CNTN4: variants seen among roughly 807,000 people sequenced by gnomAD.
CNTN4 encodes contactin-4.
CNTN4 carries 77 observed loss-of-function variants against 122.5 expected under a neutral mutation model. That is an observed-to-expected ratio of 0.63 (90% confidence interval 0.52 to 0.76). The LOEUF is 0.76. Ranked by LOEUF, CNTN4 falls within the 30% of genes least tolerant of loss-of-function variation. CNTN4 has a pLI of 0.00. For synonymous variants in CNTN4, 512 were observed against 447.0 expected, an observed-to-expected ratio of 1.15 and a Z score of -1.83; for missense variants, 1,256 against 1,259.1, an observed-to-expected ratio of 1.00 and a Z score of 0.04.
In CNTN4 at chr3:2,642,962, AG is replaced by A. The variant is rs1331644217; in HGVS notation, c.55+71405del. Among the ~76,000 whole-genome samples the A allele has an allele frequency of 1.3e-5, 2 of 152,192 alleles. 1 individual carries two copies. Among genetic ancestry groups the A allele is most frequent in the Admixed American group, 1.3e-4 (2 of 15,276 alleles). On this transcript the variant is annotated intron_variant, in intron 4 of 24. Transcript: ENST00000418658. ...TAAACCACAGTGTCCTTTACAGGGC[AG>A]TGGGGATGGTAATAAAATATACCTC...
intron 3 of CNTN4, among the ~76,000 whole-genome samples, chr3:2,500,584 T>G (rs571989282): frequency 6.6e-6 from 1 of 152,280 alleles, no homozygotes; most frequent in African/African-American, 2.4e-5. Context: ...GATTTTTCTC[T>G]CCATCTTGGG....
chr3:2,484,898 C>A (rs570486342), intron 3 of CNTN4, among the ~76,000 whole-genome samples: 1 of 152,144 alleles, frequency 6.6e-6, no homozygotes, highest in African/African-American at 2.4e-5. Flanking sequence ...CCTCTGCTTG[C>A]GGGAAGGTGT....
At position 2,440,892 on chromosome 3, in the gene CNTN4, T is replaced by C. The variant is rs55674521; in HGVS notation, c.-89+101659T>C. Among the ~76,000 whole-genome samples, 502 of 147,678 alleles carry C rather than the reference T, an allele frequency of 3.4e-3. 2 individuals carry two copies. Among genetic ancestry groups the C allele is most frequent in the African/African-American group, 0.011 (441 of 40,512 alleles). Reference sequence around the variant, plus strand: ...ATATATGTATATATGTATATATATATACATGTATATAACAAAAATATATAC... The same window carrying C: ...ATATATGTATATATGTATATATATACACATGTATATAACAAAAATATATAC... On this transcript the variant is annotated intron_variant, in intron 3 of 24. Transcript: ENST00000418658.
intron 3 of CNTN4, among the ~76,000 whole-genome samples, chr3:2,471,637 T>C (rs2075687658): frequency 2.0e-5 from 3 of 152,310 alleles, no homozygotes; most frequent in Non-Finnish European, 4.4e-5. Context: ...CTTTGTTGAA[T>C]TGGAGGCCAT....
intron 4 of CNTN4, among the ~76,000 whole-genome samples, chr3:2,679,384 A>G (rs1419248330): frequency 6.6e-6 from 1 of 152,184 alleles, no homozygotes; most frequent in African/African-American, 2.4e-5. Flanking sequence ...GACTCAGCCC[A>G]TCAACCAGAC....
chr3:2,281,059 T>G (rs1298727529), intron 2 of CNTN4, among the ~76,000 whole-genome samples: 2 of 152,210 alleles, frequency 1.3e-5, no homozygotes, highest in Non-Finnish European at 2.9e-5. Flanking sequence ...ATACTAAAAG[T>G]TGGCTGTGAC....
intron 4 of CNTN4, among the ~76,000 whole-genome samples, chr3:2,725,698 C>G (rs1363354813): frequency 6.6e-6 from 1 of 151,828 alleles, no homozygotes; most frequent in Admixed American, 6.6e-5. Context: ...GTAGTTGATC[C>G]CGGTGGTGTT....
At chr3:2,346,644 G>C (rs191949302) in intron 3 of CNTN4, among the ~76,000 whole-genome samples, 2 of 152,250 alleles carry the variant, frequency 1.3e-5, no homozygotes, top group East Asian at 3.9e-4. Context: ...ATACCATGAA[G>C]ATATTGTTGT....
intron 2 of CNTN4, among the ~76,000 whole-genome samples, chr3:2,106,885 A>G (rs1440963694): frequency 2.6e-5 from 4 of 152,186 alleles, no homozygotes; most frequent in Non-Finnish European, 5.9e-5. Context: ...ATCACACTCA[A>G]GTTTAAAGTT....
chr3:2,840,707 AAAAAAT>A (rs1281649200), intron 7 of CNTN4, among the ~76,000 whole-genome samples: 2 of 151,754 alleles, frequency 1.3e-5, no homozygotes, highest in Non-Finnish European at 2.9e-5. Context: ...TCCAAAAAAT[AAAAAAT>A]AAAAATAAAA....
intron 3 of CNTN4, among the ~76,000 whole-genome samples, chr3:2,467,510 C>T (rs2075545246): frequency 6.6e-6 from 1 of 152,104 alleles, no homozygotes; most frequent in Non-Finnish European, 1.5e-5. Context: ...GTATCTCAGC[C>T]TTTCTCCTTA....
chr3:2,330,651 G>T (rs1259369495), intron 2 of CNTN4, among the ~76,000 whole-genome samples: 4 of 152,120 alleles, frequency 2.6e-5, no homozygotes, highest in African/African-American at 9.7e-5. Flanking sequence ...GTAATTTGTG[G>T]AAGGTCACTC....
intron 4 of CNTN4, among the ~76,000 whole-genome samples, chr3:2,707,415 G>C (rs1173086674): frequency 6.6e-6 from 1 of 152,012 alleles, no homozygotes; most frequent in African/African-American, 2.4e-5. Flanking sequence ...AATCTTTTAG[G>C]ACTATTTAAT....
chr3:2,922,583 T>C (rs2094438938), intron 12 of CNTN4, among the ~76,000 whole-genome samples: 2 of 151,606 alleles, frequency 1.3e-5, no homozygotes. Flanking sequence ...TTAAGTAAAT[T>C]GAGTTAACAA....
rs1362495582 is a variant in CNTN4, at chr3:2,600,211, A to AT, written c.55+28661dup. On this transcript the variant is annotated intron_variant, in intron 4 of 24. Transcript: ENST00000418658. ...TGTTAGACCTTGGAGGGCAGCTTAG[A>AT]TTTTTTTTATACTTTAAGTTCTAGG... Among the ~76,000 whole-genome samples, 7 of 150,142 alleles carry AT rather than the reference A, an allele frequency of 4.7e-5. No individual in the cohort carries two copies. In the South Asian group the frequency reaches 1.3e-3, roughly 27 times the overall value.
rs771284033 is a variant in CNTN4, at chr3:2,709,806, T to C, written c.56-26409T>C. 2.0e-5 allele frequency among the ~76,000 whole-genome samples: 3 copies of C among 151,872 alleles called. No individual in the cohort carries two copies. Among genetic ancestry groups the C allele is most frequent in the Non-Finnish European group, 2.9e-5 (2 of 67,948 alleles). On this transcript the variant is annotated intron_variant, in intron 4 of 24. Coordinates refer to ENST00000418658, the MANE Select transcript of CNTN4 (RefSeq NM_175607.3). The surrounding 1 kb of genome is among the most constrained non-coding windows in gnomAD (Gnocchi z 5.0). Reference sequence around the variant, plus strand: ...GTGCACACCTGTAGTCCCAGCTACTTGGGAGGCTGAGCCAGGAGAGCCCGG... The same window carrying C: ...GTGCACACCTGTAGTCCCAGCTACTCGGGAGGCTGAGCCAGGAGAGCCCGG...
chr3:2,202,536 G>A (rs1466223602), intron 2 of CNTN4, among the ~76,000 whole-genome samples: 1 of 152,126 alleles, frequency 6.6e-6, no homozygotes, highest in Admixed American at 6.6e-5. Context: ...ACTGAGTCTA[G>A]GTGTTTCCAA....
chr3:2,932,912 T>C lies in CNTN4; in HGVS notation c.1358+7133T>C, dbSNP rs541990377. Among the ~76,000 whole-genome samples the C allele has an allele frequency of 1.3e-4, 20 of 152,220 alleles. 1 individual carries two copies. The highest frequency in any genetic ancestry group is 3.4e-3 in the Middle Eastern group (1 of 294). ...ATCTCGGCTCCCTGCGAGCTCCGCC[T>C]CCCGGGTTCACATCATTCTCTTGCC... On this transcript the variant is annotated intron_variant, in intron 13 of 24. Transcript: ENST00000418658.
At chr3:2,377,318 T>G (rs999107277) in intron 3 of CNTN4, among the ~76,000 whole-genome samples, 1 of 152,188 alleles carries the variant, frequency 6.6e-6, no homozygotes, top group African/African-American at 2.4e-5. Flanking sequence ...CTCTTTAATA[T>G]GAGTGCTATC....
Sources: allele counts gnomAD v4.1 joint callset (sites outside exome capture counted in the v4.1 genomes callset), GRCh38; gene constraint gnomAD v4.1.1; non-coding constraint Gnocchi (gnomAD v3.1); transcripts MANE v1.5; gene names NCBI Gene and HGNC (gene_info 2026-07-23, HGNC 2026-07-21).